The following MPHOSPH9 variants were observed in gnomAD, a reference collection of about 807,000 sequenced individuals.
MPHOSPH9 encodes M-phase phosphoprotein 9.
MPHOSPH9 carries 88 observed loss-of-function variants against 145.5 expected under a neutral mutation model. The ratio of observed to expected loss-of-function variants is 0.60; its 90% CI spans 0.51 to 0.72. The LOEUF is 0.72. MPHOSPH9 is among the 30% of genes least tolerant of loss of function. The pLI is 0.00. For synonymous variants in MPHOSPH9, 435 were observed against 486.2 expected, an observed-to-expected ratio of 0.89 and a Z score of 1.39; for missense variants, 1,238 against 1,386.6, an observed-to-expected ratio of 0.89 and a Z score of 1.70.
At chr12:123,175,107 T>A (rs1056911872) in intron 16 of MPHOSPH9, among the ~76,000 whole-genome samples, 1 of 151,988 alleles carries the variant, frequency 6.6e-6, no homozygotes, top group Admixed American at 6.6e-5. Flanking sequence ...TTTTACCACA[T>A]AAAAACCTTC....
chr12:123,162,894 T>C, intron 20 of MPHOSPH9, 120 bp downstream of exon 20: 1 of 964,590 alleles, frequency 1.0e-6, no homozygotes, highest in East Asian at 3.1e-5. Flanking sequence ...ATGATTTAAA[T>C]GAAATTCACA....
intron 13 of MPHOSPH9, among the ~76,000 whole-genome samples, chr12:123,183,931 C>T (rs780623601): frequency 6.6e-6 from 1 of 152,154 alleles, no homozygotes; most frequent in Non-Finnish European, 1.5e-5. Context: ...ACTTCAAAAA[C>T]ACCCAGGGCA....
chr12:123,230,819 CCA>C (rs1482266559), intron 1 of MPHOSPH9, among the ~76,000 whole-genome samples: 3 of 152,168 alleles, frequency 2.0e-5, no homozygotes, highest in African/African-American at 7.2e-5. Context: ...TCACAAAAGA[CCA>C]CAGACTATAT....
At chr12:123,187,214 T>C (rs10772995) in intron 13 of MPHOSPH9, among the ~76,000 whole-genome samples, 98,195 of 151,856 alleles carry the variant, frequency 0.65, 36,272 homozygotes, top group East Asian at 1. Context: ...TAGCCAAGAT[T>C]GCGCCATTGC....
intron 7 of MPHOSPH9, among the ~76,000 whole-genome samples, chr12:123,211,101 C>T (rs2046693913): frequency 6.6e-6 from 1 of 150,818 alleles, no homozygotes; most frequent in Non-Finnish European, 1.5e-5. Context: ...TCTCCTGCCT[C>T]AGCCTCCTGA....
At chr12:123,200,235 G>A (rs1241782808) in intron 11 of MPHOSPH9, among the ~76,000 whole-genome samples, 3 of 151,780 alleles carry the variant, frequency 2.0e-5, no homozygotes, top group Non-Finnish European at 4.4e-5. Context: ...TATCTTGGGG[G>A]AAATCATTTC....
intron 12 of MPHOSPH9, among the ~76,000 whole-genome samples, chr12:123,196,049 C>T (rs1320421671): frequency 5.3e-5 from 8 of 149,896 alleles, no homozygotes; most frequent in Non-Finnish European, 8.9e-5. Flanking sequence ...AAAAAAAAGG[C>T]AAAGATGAAA....
chr12:123,189,546 G>A (rs2045585618), intron 13 of MPHOSPH9, among the ~76,000 whole-genome samples: 1 of 152,112 alleles, frequency 6.6e-6, no homozygotes, highest in African/African-American at 2.4e-5. Context: ...GCCACATGAT[G>A]GACGACACAG....
intron 7 of MPHOSPH9, among the ~76,000 whole-genome samples, chr12:123,212,754 T>G (rs1471921722): frequency 1.6e-5 from 2 of 122,310 alleles, no homozygotes; most frequent in Non-Finnish European, 3.3e-5. Flanking sequence ...ATCCCCAGCC[T>G]ACAATGGTCG....
At chr12:123,190,874 G>A (rs1181813332) in intron 13 of MPHOSPH9, among the ~76,000 whole-genome samples, 2 of 152,174 alleles carry the variant, frequency 1.3e-5, no homozygotes, top group African/African-American at 4.8e-5. Flanking sequence ...ATACTTTTCT[G>A]TATGCTTGAA....
chr12:123,178,808 G>A (rs2044994697), intron 15 of MPHOSPH9, among the ~76,000 whole-genome samples: 1 of 152,168 alleles, frequency 6.6e-6, no homozygotes, highest in Non-Finnish European at 1.5e-5. Flanking sequence ...ATAGGCGTGA[G>A]CCACTGCACC....
chr12:123,205,512 T>C (rs889195666), intron 8 of MPHOSPH9, among the ~76,000 whole-genome samples: 4 of 152,118 alleles, frequency 2.6e-5, no homozygotes, highest in Non-Finnish European at 5.9e-5. Context: ...CACCACTGCA[T>C]TCCAGCCTGT....
chr12:123,159,082 T>C lies in MPHOSPH9; in HGVS notation c.3450+1699A>G, dbSNP rs1267335302. Among the ~76,000 whole-genome samples, 1 of 152,106 alleles carries C rather than the reference T, an allele frequency of 6.6e-6. No individual in the cohort carries two copies. The highest frequency in any genetic ancestry group is 1.5e-5 in the Non-Finnish European group (1 of 68,014). ...CTCCAGCCTGGTGACACAGCGAGAC[T>C]CCGTCTCCAAACTAGATAAATAAAA... is the stretch of plus-strand genomic sequence containing the variant. On this transcript the variant is annotated intron_variant, in intron 23 of 23. Transcript: ENST00000606320. This position sits in a 1 kb window ranked among gnomAD's most constrained non-coding sequence, Gnocchi z 4.3.
At chr12:123,233,371 C>G (rs1029942609), upstream of MPHOSPH9, 2 of 152,290 alleles carry the variant, frequency 1.3e-5, no homozygotes, top group African/African-American at 4.8e-5. Flanking sequence ...GCTTCAGTTT[C>G]TCGCATGCGC....
rs750503412 is a variant in MPHOSPH9, at chr12:123,181,229, A to C, written c.2242-19T>G. On this transcript the variant is annotated intron_variant, in intron 13 of 23. Coordinates refer to ENST00000606320, the MANE Select transcript of MPHOSPH9 (RefSeq NM_022782.4). The stretch of plus-strand genomic sequence containing the variant: ...CTAAAAGCTACAAGGAAAAACAAAA[A>C]AAAATTATACCACAAAATTAAACGT... The C allele has an allele frequency of 6.2e-7, 1 of 1,604,750 alleles. No homozygotes were observed. Among genetic ancestry groups the C allele is most frequent in the East Asian group, 2.2e-5 (1 of 44,820 alleles).
chr12:123,174,375 A>ATTTT (rs55827423), intron 16 of MPHOSPH9, among the ~76,000 whole-genome samples: 23 of 142,836 alleles, frequency 1.6e-4, no homozygotes, highest in Non-Finnish European at 2.1e-4. Context: ...GACGACTCCA[A>ATTTT]TTTTTTTTTT....
At chr12:123,229,966 C>A (rs1240464936) in intron 2 of MPHOSPH9, 1 of 175,702 alleles carries the variant, frequency 5.7e-6, no homozygotes, top group Non-Finnish European at 1.2e-5. Context: ...GGACTACAGG[C>A]GCGTGCCACC....
In MPHOSPH9 at chr12:123,192,255, A is replaced by G. The variant is rs1172890971; in HGVS notation, c.2241+2131T>C. Among the ~76,000 whole-genome samples the G allele has an allele frequency of 6.6e-5, 10 of 151,934 alleles. No individual in the cohort carries two copies. The East Asian group carries it at 1.9e-3, about 30-fold the overall frequency. ...GAACGCTTGAGCCCAGGAGTTTGAG[A>G]CCAGCCTGGGCAACATGGCGAAACC... On this transcript the variant is annotated intron_variant, in intron 13 of 23. Transcript: ENST00000606320.
In MPHOSPH9 at chr12:123,203,076, A is replaced by G; in HGVS notation, c.1329T>C (p.Thr443=). Residue 443 remains threonine (T), a synonymous_variant, in exon 10 of 24, where the codon ACT becomes ACC. Coordinates refer to ENST00000606320, the MANE Select transcript of MPHOSPH9 (RefSeq NM_022782.4). ...GCTTCATGTGTAACGTAGGATCTAGAGTCAGGACCTGGAAACCAGACAACA... is the reference window on the plus strand; with the variant it reads ...GCTTCATGTGTAACGTAGGATCTAGGGTCAGGACCTGGAAACCAGACAACA... ...SNPNHPPEVL[T]LDPTLHMKPK... is the part of the protein sequence containing the mutation. 4 of 1,610,782 alleles carry G rather than the reference A, an allele frequency of 2.5e-6. No individual in the cohort carries two copies. Among genetic ancestry groups the G allele is most frequent in the Non-Finnish European group, 2.5e-6 (3 of 1,178,798 alleles).
Sources: allele counts gnomAD v4.1 joint callset (sites outside exome capture counted in the v4.1 genomes callset), GRCh38; gene constraint gnomAD v4.1.1; non-coding constraint Gnocchi (gnomAD v3.1); transcripts MANE v1.5; gene names NCBI Gene and HGNC (gene_info 2026-07-23, HGNC 2026-07-21).